DUOX1: variants seen among roughly 807,000 people sequenced by gnomAD.
The protein encoded by DUOX1 is dual oxidase 1.
Under a neutral mutation model 181.8 loss-of-function variants are expected in DUOX1, and 134 were observed. The observed-to-expected ratio is 0.74, with a 90% CI of 0.64 to 0.85. The LOEUF (loss-of-function observed/expected upper bound fraction) is 0.85. Ranked by LOEUF, DUOX1 falls within the 40% of genes least tolerant of loss-of-function variation. The pLI is 0.00. For synonymous variants in DUOX1, 798 were observed against 832.5 expected, an observed-to-expected ratio of 0.96 and a Z score of 0.71; for missense variants, 1,814 against 2,064.4, an observed-to-expected ratio of 0.88 and a Z score of 2.35.
rs757183729 is a variant in DUOX1 at position 45,151,235 on chromosome 15, AG to A, written c.3003del (p.Arg1001SerfsTer6). The A allele has an allele frequency of 6.2e-7, 1 of 1,613,998 alleles. No individual in the cohort carries two copies. Among genetic ancestry groups the A allele is most frequent in the East Asian group, 2.2e-5 (1 of 44,876 alleles). The stretch of plus-strand genomic sequence containing the variant: ...AGACCCTCCCCAGGAGATTCGGCGG[AG>A]GTTTGGCAAGAAGTATGTCTGCTCT... ...DTDPPQEIRRRFGKKVTSFQP... is the reference protein window; with the variant it reads ...DTDPPQEIRRXFGKKVTSFQP... On this transcript the variant is annotated frameshift_variant, in exon 23 of 34. Coordinates refer to ENST00000389037, the MANE Select transcript of DUOX1 (RefSeq NM_175940.3). LOFTEE classifies it high-confidence loss of function.
At chr15:45,142,789 G>GGAAGGAAGCAAGGA (rs1480496555) in intron 15 of DUOX1, among the ~76,000 whole-genome samples, 1 of 139,762 alleles carries the variant, frequency 7.2e-6, no homozygotes, top group Non-Finnish European at 1.5e-5. Context: ...GGAAGGAAGG[G>GGAAGGAAGCAAGGA]AGGGAGGAAG....
intron 2 of DUOX1, among the ~76,000 whole-genome samples, chr15:45,132,437 C>T (rs1896179100): frequency 1.3e-5 from 2 of 152,204 alleles, no homozygotes; most frequent in Non-Finnish European, 2.9e-5. Context: ...TATGTTTAAA[C>T]ATTATGATGA....
Position 45,152,006 on chromosome 15 carries a change from C to T in DUOX1, c.3147C>T (p.Ala1049=), listed in dbSNP as rs757613081. ...ACCGGCGCCACATCGGCTGCGTGGCCGTGTTCTACGCCATCGCTGGGGGGC... is the reference window on the plus strand; with the variant it reads ...ACCGGCGCCACATCGGCTGCGTGGCTGTGTTCTACGCCATCGCTGGGGGGC... ...ENYRRHIGCV[A]VFYAIAGGLF... The change falls in exon 24 of 34, where the codon GCC becomes GCT. Residue 1049 remains alanine, a synonymous_variant. Transcript: ENST00000389037. The T allele has an allele frequency of 2.9e-5, 46 of 1,614,022 alleles. No homozygotes were observed. Among genetic ancestry groups the T allele is most frequent in the Non-Finnish European group, 3.6e-5 (43 of 1,180,032 alleles).
In DUOX1 at chr15:45,144,197, C is replaced by T. The variant is rs755214620; in HGVS notation, c.2098C>T (p.Arg700Cys). The T allele has an allele frequency of 1.1e-5, 18 of 1,614,006 alleles. No individual in the cohort carries two copies. Among genetic ancestry groups the T allele is most frequent in the Middle Eastern group, 1.6e-4 (1 of 6,084 alleles). The change falls in exon 17 of 34, where the codon CGC becomes TGC. Residue 700 changes from arginine (R) to cysteine (C), a missense_variant. Around this residue, in one of 5 missense-constraint regions of DUOX1, gnomAD observed 1,064 missense variants for 1,152.9 expected, o/e 0.92. Transcript: ENST00000389037. ...NFVLSSNRGRRTLLLKIPKEY... is the reference protein window; with the variant it reads ...NFVLSSNRGRCTLLLKIPKEY... ...CGTCCTGTCCAGCAACCGTGGACGCCGCACTCTGCTGCTCAAGATCCCCAA... is the reference window on the plus strand; with the variant it reads ...CGTCCTGTCCAGCAACCGTGGACGCTGCACTCTGCTGCTCAAGATCCCCAA...
In DUOX1 at chr15:45,136,545, G is replaced by A. The variant is rs766460787; in HGVS notation, c.942G>A (p.Leu314=). ...LPEYTGYRPF[L]DPSISSEFVA... The stretch of plus-strand genomic sequence containing the variant: ...TTTCCCCAGGATACCGGCCATTTCT[G>A]GACCCCAGCATCTCCTCAGAGTTCG... Residue 314 remains leucine (L), a synonymous_variant, in exon 9 of 34, where the codon CTG becomes CTA. Transcript: ENST00000389037. 1.9e-6 allele frequency: 3 copies of A among 1,614,000 alleles called. No individual in the cohort carries two copies. Among genetic ancestry groups the A allele is most frequent in the Non-Finnish European group, 2.5e-6 (3 of 1,180,024 alleles).
chr15:45,141,751 CGTGTGTGTGTGT>C (rs5812287), intron 14 of DUOX1, among the ~76,000 whole-genome samples: 1 of 148,588 alleles, frequency 6.7e-6, no homozygotes, highest in African/African-American at 2.5e-5. Context: ...GTGAGGGAAG[CGTGTGTGTGTGT>C]GTGTGTGTGT....
chr15:45,134,375 G>A (rs1896232187), intron 4 of DUOX1, 66 bp downstream of exon 4: 6 of 1,500,388 alleles, frequency 4.0e-6, no homozygotes, highest in South Asian at 1.3e-5. Context: ...CATGTGAAGA[G>A]GGGTCAGAGG....
chr15:45,142,787 G>GGAAGGAAGGAA (rs1567012334), intron 15 of DUOX1, among the ~76,000 whole-genome samples: 1 of 143,680 alleles, frequency 7.0e-6, no homozygotes, highest in Non-Finnish European at 1.6e-5. Flanking sequence ...AAGGAAGGAA[G>GGAAGGAAGGAA]GGAGGGAGGA....
chr15:45,133,345 C>T (rs1250707800), intron 2 of DUOX1, among the ~76,000 whole-genome samples: 1 of 152,224 alleles, frequency 6.6e-6, no homozygotes, highest in Non-Finnish European at 1.5e-5. Context: ...CACCCTTGCC[C>T]TGGGCTCTGC....
chr15:45,163,002 G>C (rs1897145827), intron 31 of DUOX1, among the ~76,000 whole-genome samples: 1 of 152,216 alleles, frequency 6.6e-6, no homozygotes, highest in African/African-American at 2.4e-5. Flanking sequence ...TCAGCATTCA[G>C]AGGGTGACAG....
In DUOX1 at chr15:45,147,535, G is replaced by A. The variant is rs367870737; in HGVS notation, c.2425G>A (p.Glu809Lys). The A allele has an allele frequency of 1.1e-5, 17 of 1,613,930 alleles. No individual in the cohort carries two copies. The highest frequency in any genetic ancestry group is 2.7e-5 in the African/African-American group (2 of 74,934). Residue 809 changes from glutamate (E) to lysine (K), a missense_variant, in exon 19 of 34, where the codon GAG becomes AAG. Physicochemically the swap from Glu to Lys is moderately conservative, Grantham distance 56 (BLOSUM62 1). Transcript: ENST00000389037. The stretch of plus-strand genomic sequence containing the variant: ...TGAGCTGAGCAGGGCCGAGTTTGCC[G>A]AGTCCCTGGGCCTCAAGCCCCAGGA... Reference protein sequence around the residue: ...TCELSRAEFAESLGLKPQDMF... With the variant: ...TCELSRAEFAKSLGLKPQDMF...
intron 15 of DUOX1, 149 bp from the exon 16 acceptor site, chr15:45,143,041 C>G: frequency 1.6e-6 from 1 of 628,028 alleles, no homozygotes; most frequent in East Asian, 2.8e-5. Context: ...CAGCTTCCCC[C>G]AGGGACCTTC....
At chr15:45,150,380 T>G (rs1250028128) in intron 21 of DUOX1, 7 of 516,850 alleles carry the variant, frequency 1.4e-5, no homozygotes, top group African/African-American at 1.3e-4. Flanking sequence ...GAAGTGGGAC[T>G]GATGATGGAC....
chr15:45,152,486 C>G lies in DUOX1; in HGVS notation c.3394C>G (p.Leu1132Val), dbSNP rs771234733. Residue 1132 changes from leucine (L) to valine (V), a missense_variant, in exon 25 of 34, where the codon CTC becomes GTC. Physicochemically the swap from Leu to Val is conservative, Grantham distance 32. Around this residue, in one of 5 missense-constraint regions of DUOX1, gnomAD observed 1,064 missense variants for 1,152.9 expected, o/e 0.92. Coordinates refer to ENST00000389037, the MANE Select transcript of DUOX1 (RefSeq NM_175940.3). ...PFDAAVDFHR[L>V]IASTAIVLTV... The stretch of plus-strand genomic sequence containing the variant: ...CGACGCCGCCGTGGACTTCCATCGC[C>G]TCATTGCCTCCACCGCCATCGTCCT... 18 of 1,614,038 alleles carry G rather than the reference C, an allele frequency of 1.1e-5. No individual in the cohort carries two copies. In the Admixed American group the frequency reaches 1.7e-4, roughly 15 times the overall value.
chr15:45,143,909 C>T (rs1896572939), intron 16 of DUOX1, 127 bp from the exon 17 acceptor site: 1 of 850,606 alleles, frequency 1.2e-6, no homozygotes, highest in South Asian at 1.6e-5. Context: ...GAATGACTCT[C>T]AGTACCCCAG....
chr15:45,163,768 G>C, intron 32 of DUOX1, 22 bp from the exon 33 acceptor site: 1 of 1,613,766 alleles, frequency 6.2e-7, no homozygotes, highest in South Asian at 1.1e-5. Flanking sequence ...GCTGAACTTT[G>C]TTCCACCCTT....
In DUOX1 at chr15:45,138,101, TGTGTGA is replaced by T. The variant is rs1896382300; in HGVS notation, c.1113+91_1113+96del. The T allele has an allele frequency of 7.6e-6, 8 of 1,053,238 alleles. No individual in the cohort carries two copies. In the East Asian group the frequency reaches 1.7e-4, roughly 23 times the overall value. 65.2% of individuals were successfully genotyped at this position (1,053,238 alleles called of 1,614,324 possible). A position where few individuals can be genotyped will look rare whatever the true frequency, so the allele number is the denominator to read the frequency against. On this transcript the variant is annotated intron_variant, in intron 10 of 33. Coordinates refer to ENST00000389037, the MANE Select transcript of DUOX1 (RefSeq NM_175940.3). Reference sequence around the variant, plus strand: ...GTATGTGTGTGTGTGTGTGTGTGTGTGTGTGAGTGCATGGTGAAAGTGGTCAGTAAG... The same window carrying T: ...GTATGTGTGTGTGTGTGTGTGTGTGTGTGCATGGTGAAAGTGGTCAGTAAG...
chr15:45,139,319 G>T, intron 11 of DUOX1, 108 bp from the exon 12 acceptor site: 1 of 1,586,644 alleles, frequency 6.3e-7, no homozygotes, highest in Non-Finnish European at 8.6e-7. Context: ...GCTGACCATG[G>T]CTCCTTCTGG....
chr15:45,143,310 C>T lies in DUOX1; in HGVS notation c.1936+7C>T. On this transcript the variant is annotated splice_region_variant and intron_variant, in intron 16 of 33. Coordinates refer to ENST00000389037, the MANE Select transcript of DUOX1 (RefSeq NM_175940.3). ...CTCGTGGGAGGCATGGAAGGTAGGTCTAGGGCTGGCCAGGGTGGTGGTAGG... is the reference window on the plus strand; with the variant it reads ...CTCGTGGGAGGCATGGAAGGTAGGTTTAGGGCTGGCCAGGGTGGTGGTAGG... 1.2e-6 allele frequency: 2 copies of T among 1,611,534 alleles called. No individual in the cohort carries two copies. Among genetic ancestry groups the T allele is most frequent in the South Asian group, 1.1e-5 (1 of 90,994 alleles).
Sources: allele counts gnomAD v4.1 joint callset (sites outside exome capture counted in the v4.1 genomes callset), GRCh38; gene constraint gnomAD v4.1.1; regional missense constraint gnomAD v4.1.1; transcripts MANE v1.5; gene names NCBI Gene and HGNC (gene_info 2026-07-23, HGNC 2026-07-21).